GPCPD1: variants seen among roughly 807,000 people sequenced by gnomAD.
GPCPD1 encodes the protein glycerophosphocholine phosphodiesterase GPCPD1.
GPCPD1 carries 29 observed loss-of-function variants against 89.2 expected under a neutral mutation model. The observed-to-expected ratio is 0.33, with a 90% CI of 0.24 to 0.44. The LOEUF (loss-of-function observed/expected upper bound fraction) is 0.44, where lower values mean the gene tolerates loss of function less well. Among genes scored for constraint, GPCPD1 ranks in the 20% least tolerant of loss-of-function variants. The pLI is 1.00. For synonymous variants in GPCPD1, 258 were observed against 266.3 expected, an observed-to-expected ratio of 0.97 and a Z score of 0.30; for missense variants, 594 against 808.9, an observed-to-expected ratio of 0.73 and a Z score of 3.22.
chr20:5,601,674 T>C (rs1485252440), intron 2 of GPCPD1, among the ~76,000 whole-genome samples: 1 of 151,594 alleles, frequency 6.6e-6, no homozygotes, highest in Admixed American at 6.6e-5. Context: ...CAGCCAACCC[T>C]GTCTCTTAAC....
At chr20:5,579,138 T>C (rs1000906355) in intron 7 of GPCPD1, among the ~76,000 whole-genome samples, 3 of 152,046 alleles carry the variant, frequency 2.0e-5, no homozygotes, top group Non-Finnish European at 4.4e-5. Flanking sequence ...TGAGCCGAGA[T>C]TGCACCACTG....
chr20:5,573,555 G>T (rs1300647067), intron 11 of GPCPD1, among the ~76,000 whole-genome samples: 1 of 152,136 alleles, frequency 6.6e-6, no homozygotes, highest in East Asian at 1.9e-4. Flanking sequence ...GAGCAACATA[G>T]TGAGACCCTG....
At chr20:5,561,994 A>G (rs973239167) in intron 15 of GPCPD1, among the ~76,000 whole-genome samples, 2 of 152,192 alleles carry the variant, frequency 1.3e-5, no homozygotes, top group African/African-American at 4.8e-5. Flanking sequence ...CAAATCCCAT[A>G]ACTTCCTGAA....
rs922146539 is a variant in GPCPD1, at chr20:5,592,332, T to G, written c.231+995A>C. Among the ~76,000 whole-genome samples, 15 of 152,230 alleles carry G rather than the reference T, an allele frequency of 9.9e-5. 1 individual carries two copies. The highest frequency in any genetic ancestry group is 3.4e-4 in the African/African-American group (14 of 41,538). On this transcript the variant is annotated intron_variant, in intron 4 of 19. Transcript: ENST00000379019. ...GAGATGCCCTTTTCTTAAGTTAAAG[T>G]GAAACTATTGTCAAGAAAAGCCAAC...
rs1049384061 is a variant in GPCPD1 at position 5,544,880 on chromosome 20, C to T, written c.*2781G>A. ...AAAGCAGTACTGAGGTAGCTGTAAG[C>T]TTGGAGTTTGGATGGGAGACGACAG... On this transcript the variant is annotated 3_prime_UTR_variant, in exon 20 of 20. Transcript: ENST00000379019. 3 of 152,174 alleles carry T rather than the reference C, an allele frequency of 2.0e-5. No homozygotes were observed. Among genetic ancestry groups the T allele is most frequent in the African/African-American group, 4.8e-5 (2 of 41,428 alleles). 9.4% of individuals were successfully genotyped at this position (152,174 alleles called of 1,614,324 possible).
At chr20:5,550,464 A>G (rs905395834) in intron 19 of GPCPD1, among the ~76,000 whole-genome samples, 6 of 152,204 alleles carry the variant, frequency 3.9e-5, no homozygotes, top group Non-Finnish European at 7.3e-5. Context: ...GTATTGACAG[A>G]CTAAAAGGGT....
intron 19 of GPCPD1, 60 bp downstream of exon 19, chr20:5,557,885 T>A (rs1371757292): frequency 1.1e-6 from 1 of 895,720 alleles, no homozygotes; most frequent in Non-Finnish European, 1.7e-6. Flanking sequence ...TATTTATAAT[T>A]TCGTAAGATG....
At chr20:5,584,187 T>A (rs1978750780) in intron 6 of GPCPD1, 94 bp downstream of exon 6, 5 of 676,772 alleles carry the variant, frequency 7.4e-6, no homozygotes, top group African/African-American at 1.8e-5. Flanking sequence ...CATGACTGTA[T>A]GTTCTATTTT....
At chr20:5,584,489 C>CT in intron 5 of GPCPD1, 167 bp from the exon 6 acceptor site, 1 of 454,006 alleles carries the variant, frequency 2.2e-6, no homozygotes. Flanking sequence ...AAAGAATTCC[C>CT]TTTAAAGGAG....
At chr20:5,579,497 A>G (rs1978323891) in intron 7 of GPCPD1, among the ~76,000 whole-genome samples, 2 of 152,060 alleles carry the variant, frequency 1.3e-5, no homozygotes. Flanking sequence ...ACAGGCGCCC[A>G]ACAGCATGCC....
intron 3 of GPCPD1, 49 bp downstream of exon 3, chr20:5,598,676 A>G (rs1295472803): frequency 1.8e-6 from 2 of 1,082,752 alleles, no homozygotes; most frequent in South Asian, 1.3e-5. Flanking sequence ...CCCTAACATC[A>G]TAAGGTTAAT....
At chr20:5,558,628 C>T in intron 18 of GPCPD1, 56 bp downstream of exon 18, 4 of 1,039,284 alleles carry the variant, frequency 3.8e-6, no homozygotes, top group Non-Finnish European at 5.7e-6. Flanking sequence ...ATCTTTACTA[C>T]TACTCCAAAA....
At chr20:5,548,876 C>G in intron 19 of GPCPD1, 7 of 1,004,214 alleles carry the variant, frequency 7.0e-6, no homozygotes, top group Non-Finnish European at 8.3e-6. Flanking sequence ...TCCTAATCCC[C>G]CTGTGAAGAG....
chr20:5,561,681 C>T, intron 15 of GPCPD1, 151 bp from the exon 16 acceptor site: 1 of 537,652 alleles, frequency 1.9e-6, no homozygotes, highest in Non-Finnish European at 3.3e-6. Flanking sequence ...CATATTTTGT[C>T]ATACTCAAAG....
intron 1 of GPCPD1, among the ~76,000 whole-genome samples, chr20:5,610,239 G>T (rs145198958): frequency 6.6e-6 from 1 of 152,308 alleles, no homozygotes; most frequent in African/African-American, 2.4e-5. Flanking sequence ...GAGAGAAGGG[G>T]CAGCAGACCT....
chr20:5,575,453 C>T lies in GPCPD1; in HGVS notation c.961G>A (p.Val321Ile). The T allele has an allele frequency of 6.2e-7, 1 of 1,607,970 alleles. No homozygotes were observed. Among genetic ancestry groups the T allele is most frequent in the Non-Finnish European group, 8.5e-7 (1 of 1,174,632 alleles). ...KYWKPRIPLD[V>I]GHRGAGNSTT... ...GAGTTTCCTGCACCTCGATGGCCAA[C>T]ATCCAATGGTATTCTTGGCTTCCAA... Residue 321 changes from valine (V) to isoleucine (I), a missense_variant, in exon 10 of 20, where the codon GTT (valine) becomes ATT (isoleucine). Coordinates refer to ENST00000379019, the MANE Select transcript of GPCPD1 (RefSeq NM_019593.5).
rs767854889 is a variant in GPCPD1, at chr20:5,565,019, T to A, written c.1327A>T (p.Met443Leu). ...CTTGGTTTTCCTCAATAACTTACCA[T>A]CTTAAGAGAAGGAAATGGCTGATTT... ...SENQPFPSLK[M>L]VLESLPEDVG... The change falls in exon 15 of 20, where the codon ATG (methionine) becomes TTG (leucine). Residue 443 changes from methionine to leucine, a missense_variant and splice_region_variant. Coordinates refer to ENST00000379019, the MANE Select transcript of GPCPD1 (RefSeq NM_019593.5). 4 of 1,451,816 alleles carry A rather than the reference T, an allele frequency of 2.8e-6. No homozygotes were observed. The South Asian group carries it at 4.6e-5, about 17-fold the overall frequency. 89.9% of individuals were successfully genotyped at this position (1,451,816 alleles called of 1,614,324 possible).
At position 5,555,815 on chromosome 20, in the gene GPCPD1, T is replaced by C. The variant is rs557087903; in HGVS notation, c.1829+2130A>G. ...GTTGCAGTGAGCCAAGATCATGCCA[T>C]TGCACTCCAGCCAGGGTATTAAGAG... is the stretch of plus-strand genomic sequence containing the variant. On this transcript the variant is annotated intron_variant, in intron 19 of 19. Coordinates refer to ENST00000379019, the MANE Select transcript of GPCPD1 (RefSeq NM_019593.5). Among the ~76,000 whole-genome samples the C allele has an allele frequency of 5.8e-4, 88 of 152,300 alleles. 1 individual carries two copies. The highest frequency in any genetic ancestry group is 1.8e-3 in the African/African-American group (76 of 41,554).
chr20:5,574,450 C>T (rs1478363142), intron 10 of GPCPD1, among the ~76,000 whole-genome samples: 1 of 152,008 alleles, frequency 6.6e-6, no homozygotes. Flanking sequence ...TAAGATGGGG[C>T]CTGAGAAGTT....
Sources: gnomAD v4.1 joint callset for allele counts (sites outside exome capture counted in the v4.1 genomes callset) on GRCh38, gnomAD v4.1.1 for gene constraint, MANE v1.5 for transcripts, NCBI Gene and HGNC (gene_info 2026-07-23, HGNC 2026-07-21) for gene names.